The following ZNF267 variants were observed in gnomAD, a reference collection of about 807,000 sequenced individuals.
The protein encoded by ZNF267 is zinc finger (C2H2).
ZNF267 carries 61 observed loss-of-function variants against 71.6 expected under a neutral mutation model. The ratio of observed to expected loss-of-function variants is 0.85; its 90% confidence interval spans 0.69 to 1.05. The LOEUF is 1.05. Ranked by LOEUF, ZNF267 falls within the 50% of genes least tolerant of loss-of-function variation. ZNF267 has a pLI of 0.00. For missense variants in ZNF267, 852 were observed against 870.0 expected, an observed-to-expected ratio of 0.98 and a Z score of 0.26; for synonymous variants, 288 against 293.2, an observed-to-expected ratio of 0.98 and a Z score of 0.18.
In ZNF267 at chr16:31,916,330, G is replaced by A; in HGVS notation, c.2081G>A (p.Gly694Asp). 2.5e-6 allele frequency: 4 copies of A among 1,614,054 alleles called. No individual in the cohort carries two copies. The highest frequency in any genetic ancestry group is 3.4e-6 in the Non-Finnish European group (4 of 1,179,992). ...GERPYKCDEC[G>D]KAFSYRSYLT... is the part of the protein sequence containing the mutation. ...AGACCCTACAAATGTGATGAATGTG[G>A]TAAAGCCTTCAGCTATAGGTCATAC... The change falls in exon 4 of 4, where the codon GGT becomes GAT. Residue 694 changes from glycine to aspartate, a missense_variant. Physicochemically the swap from Gly to Asp is moderately conservative, Grantham distance 94. Transcript: ENST00000300870.
In ZNF267 at chr16:31,916,328, T is replaced by C; in HGVS notation, c.2079T>C (p.Cys693=). ...TGERPYKCDE[C]GKAFSYRSYL... is the part of the protein sequence containing the mutation. ...AGAGACCCTACAAATGTGATGAATG[T>C]GGTAAAGCCTTCAGCTATAGGTCAT... The change falls in exon 4 of 4, where the codon TGT becomes TGC. Residue 693 remains cysteine, a synonymous_variant. Transcript: ENST00000300870. The C allele has an allele frequency of 6.2e-7, 1 of 1,613,992 alleles. No individual in the cohort carries two copies.
intron 3 of ZNF267, among the ~76,000 whole-genome samples, chr16:31,901,317 G>C (rs2084039328): frequency 6.6e-6 from 1 of 152,174 alleles, no homozygotes; most frequent in African/African-American, 2.4e-5. Context: ...TATATACCCA[G>C]TAATGGGATG....
intron 3 of ZNF267, among the ~76,000 whole-genome samples, chr16:31,896,443 A>T (rs1268534066): frequency 6.6e-6 from 1 of 152,138 alleles, no homozygotes; most frequent in Non-Finnish European, 1.5e-5. Flanking sequence ...ATCCAGTTTG[A>T]CTTGATTTTT....
Position 31,916,612 on chromosome 16 carries a change from A to G in ZNF267, c.*131A>G, listed in dbSNP as rs1399409237. ...ACCTTTAACTATTTTCAAGCCTTAC[A>G]CAATAGCAGAGAATATAAACTGAAA... On this transcript the variant is annotated 3_prime_UTR_variant, in exon 4 of 4. Transcript: ENST00000300870. The G allele has an allele frequency of 3.3e-6, 3 of 906,198 alleles. No homozygotes were observed. The highest frequency in any genetic ancestry group is 4.9e-6 in the Non-Finnish European group (3 of 616,040). The allele number at this position is 906,198 out of a possible 1,614,324, so 56.1% of individuals were successfully genotyped here.
chr16:31,894,560 G>A (rs895762434), intron 3 of ZNF267: 19 of 504,100 alleles, frequency 3.8e-5, no homozygotes, highest in African/African-American at 1.6e-4. Flanking sequence ...GCTCATAATC[G>A]CGCTCTCACC....
chr16:31,905,779 C>T (rs1388037246), intron 3 of ZNF267, among the ~76,000 whole-genome samples: 2 of 152,186 alleles, frequency 1.3e-5, no homozygotes, highest in Non-Finnish European at 2.9e-5. Flanking sequence ...GCCTTCTTCT[C>T]TCACCTCGTC....
intron 1 of ZNF267, among the ~76,000 whole-genome samples, chr16:31,879,109 G>A (rs1286668920): frequency 1.3e-5 from 2 of 152,194 alleles, no homozygotes; most frequent in African/African-American, 2.4e-5. Context: ...GATATAAAAT[G>A]TAAATAGCAA....
intron 3 of ZNF267, among the ~76,000 whole-genome samples, chr16:31,900,140 C>G (rs2084028189): frequency 6.7e-6 from 1 of 150,370 alleles, no homozygotes; most frequent in Non-Finnish European, 1.5e-5. Flanking sequence ...AGTAATAATA[C>G]AGAATTGTAT....
chr16:31,878,398 C>A (rs1457174797), intron 1 of ZNF267, among the ~76,000 whole-genome samples: 2 of 152,138 alleles, frequency 1.3e-5, no homozygotes, highest in African/African-American at 4.8e-5. Context: ...CCTGAACATA[C>A]CAACTAGGCA....
intron 3 of ZNF267, among the ~76,000 whole-genome samples, chr16:31,897,418 A>G (rs1028938386): frequency 8.5e-5 from 13 of 152,094 alleles, no homozygotes; most frequent in African/African-American, 3.1e-4. Flanking sequence ...TAAATTTACT[A>G]TATACATGAG....
intron 3 of ZNF267, chr16:31,912,783 T>C (rs1373756812): frequency 1.3e-5 from 2 of 151,796 alleles, no homozygotes; most frequent in Non-Finnish European, 2.9e-5. Context: ...GCCTGATCAG[T>C]TTTGCTATTA....
chr16:31,879,006 T>C (rs918474015), intron 1 of ZNF267, among the ~76,000 whole-genome samples: 7 of 152,238 alleles, frequency 4.6e-5, no homozygotes, highest in African/African-American at 1.4e-4. Context: ...TTTTCTGTTT[T>C]ACAACCTGTC....
At chr16:31,907,539 G>C (rs1184428552) in intron 3 of ZNF267, among the ~76,000 whole-genome samples, 1 of 152,026 alleles carries the variant, frequency 6.6e-6, no homozygotes, top group Non-Finnish European at 1.5e-5. Flanking sequence ...TTTAATCTCT[G>C]TTCATTTTCA....
chr16:31,877,716 G>C (rs2083861751), intron 1 of ZNF267, among the ~76,000 whole-genome samples: 1 of 152,184 alleles, frequency 6.6e-6, no homozygotes, highest in South Asian at 2.1e-4. Flanking sequence ...AGTCATAATA[G>C]GGTTGTTTTT....
At chr16:31,876,110 G>A (rs2083850554) in intron 1 of ZNF267, among the ~76,000 whole-genome samples, 1 of 152,192 alleles carries the variant, frequency 6.6e-6, no homozygotes, top group African/African-American at 2.4e-5. Flanking sequence ...GTAAATTGGT[G>A]AATTACATAG....
intron 1 of ZNF267, among the ~76,000 whole-genome samples, chr16:31,875,790 C>G (rs993002306): frequency 3.9e-5 from 6 of 152,216 alleles, no homozygotes; most frequent in Non-Finnish European, 7.3e-5. Context: ...TTTATTTCTA[C>G]TTCAGTTTTT....
In ZNF267 at chr16:31,916,542, AT is replaced by A. The variant is rs1236860464; in HGVS notation, c.*64del. 2.0e-6 allele frequency: 3 copies of A among 1,481,088 alleles called. No homozygotes were observed. Among genetic ancestry groups the A allele is most frequent in the African/African-American group, 2.8e-5 (2 of 71,110 alleles). 91.7% of individuals were successfully genotyped at this position (1,481,088 alleles called of 1,614,324 possible). On this transcript the variant is annotated 3_prime_UTR_variant, in exon 4 of 4. Transcript: ENST00000300870. ...CCCATGTCTTATTGTGCATCAGATAATTTATATGGGAGTGAAACCCTACAAA... is the reference window on the plus strand; with the variant it reads ...CCCATGTCTTATTGTGCATCAGATAATTATATGGGAGTGAAACCCTACAAA...
chr16:31,903,847 C>T (rs1273125662), intron 3 of ZNF267, among the ~76,000 whole-genome samples: 1 of 152,066 alleles, frequency 6.6e-6, no homozygotes, highest in African/African-American at 2.4e-5. Context: ...TGTGTTTGCT[C>T]TTGCTTCTCT....
intron 3 of ZNF267, chr16:31,911,833 A>C (rs1034027870): frequency 2.0e-5 from 3 of 149,792 alleles, no homozygotes; most frequent in African/African-American, 7.5e-5. Flanking sequence ...ATGTTTTTTT[A>C]TTTGAGGTTA....
Sources: gnomAD v4.1 joint callset for allele counts (sites outside exome capture counted in the v4.1 genomes callset) on GRCh38, gnomAD v4.1.1 for gene constraint, MANE v1.5 for transcripts, NCBI Gene and HGNC (gene_info 2026-07-23, HGNC 2026-07-21) for gene names.